Variants in LCLAT1 observed in about 807,000 individuals in gnomAD.
The protein encoded by LCLAT1 is 1-AGP acyltransferase 8.
In LCLAT1, 11 loss-of-function variants were observed where a neutral mutation model predicts 30.7. The ratio of observed to expected loss-of-function variants is 0.36; its 90% CI spans 0.23 to 0.59. The LOEUF (loss-of-function observed/expected upper bound fraction) is 0.59. LCLAT1 is among the 20% of genes least tolerant of loss of function. The pLI is 0.77. For missense variants in LCLAT1, 402 were observed against 458.6 expected (o/e 0.88, Z 1.13); for synonymous variants, 155 against 151.3 (o/e 1.02, Z -0.18).
At chr2:30,459,553 C>A in intron 1 of LCLAT1, 1 of 1,171,444 alleles carries the variant, frequency 8.5e-7, no homozygotes, top group Non-Finnish European at 1.3e-6. Context: ...TGTTCACAGG[C>A]TGAAAAACAG....
At position 30,635,353 on chromosome 2, in the gene LCLAT1, G is replaced by C. The variant is rs144029871; in HGVS notation, c.629-4764G>C. On this transcript the variant is annotated intron_variant, in intron 5 of 5. Transcript: ENST00000379509. The stretch of plus-strand genomic sequence containing the variant: ...TTGCTTTTGGAGTTAACACATTTTC[G>C]AGTCTCTATGATGCTTAAGGAAAGC... Among the ~76,000 whole-genome samples, 575 of 151,690 alleles carry C rather than the reference G, an allele frequency of 3.8e-3. 5 individuals are homozygous for C. Among genetic ancestry groups the C allele is most frequent in the African/African-American group, 0.013 (540 of 41,346 alleles).
intron 5 of LCLAT1, among the ~76,000 whole-genome samples, chr2:30,633,923 G>A (rs1007312234): frequency 8.6e-5 from 13 of 152,028 alleles, no homozygotes; most frequent in East Asian, 1.9e-4. Flanking sequence ...TGTTTTAAAC[G>A]TACAGATGTG....
chr2:30,640,233 C>T lies in LCLAT1; in HGVS notation c.745C>T (p.Arg249Trp), dbSNP rs1430471880. The T allele has an allele frequency of 2.5e-6, 4 of 1,614,016 alleles. No individual in the cohort carries two copies. The highest frequency in any genetic ancestry group is 3.4e-6 in the Non-Finnish European group (4 of 1,179,864). The change falls in exon 6 of 6, where the codon CGG becomes TGG. Residue 249 changes from arginine to tryptophan, a missense_variant. By Grantham distance (101) the Arg-to-Trp change is moderately radical. Transcript: ENST00000379509. ...CAGGGAAATCCACTTTCACGTCCAC[C>T]GGTATCCAATAGACACCCTCCCCAC... ...FPREIHFHVH[R>W]YPIDTLPTSK...
intron 3 of LCLAT1, among the ~76,000 whole-genome samples, chr2:30,553,844 A>G (rs12053230): frequency 0.24 from 37,046 of 152,136 alleles, 5,485 homozygotes; most frequent in East Asian, 0.52. Flanking sequence ...GACAAATTAT[A>G]TATGCTGATT....
intron 3 of LCLAT1, among the ~76,000 whole-genome samples, chr2:30,541,142 A>G (rs1664118108): frequency 6.6e-6 from 1 of 151,922 alleles, no homozygotes; most frequent in East Asian, 1.9e-4. Context: ...TTTCTAGTGG[A>G]ACTACTGTTT....
intron 5 of LCLAT1, among the ~76,000 whole-genome samples, chr2:30,600,301 CAAG>C (rs1468110279): frequency 1.3e-5 from 2 of 152,108 alleles, no homozygotes; most frequent in Non-Finnish European, 2.9e-5. Flanking sequence ...AGGCAGAAAT[CAAG>C]AAGTTCTTTG....
chr2:30,562,993 A>G (rs1383073327), intron 4 of LCLAT1, among the ~76,000 whole-genome samples: 1 of 152,148 alleles, frequency 6.6e-6, no homozygotes, highest in Non-Finnish European at 1.5e-5. Flanking sequence ...GCCATCATTG[A>G]GTTGTAGCAA....
rs6759011 is a variant in LCLAT1, at chr2:30,567,952, G to T, written c.512-108G>T. On this transcript the variant is annotated intron_variant, in intron 4 of 5. Transcript: ENST00000379509. Reference sequence around the variant, plus strand: ...CATTTGACTCAGTATTCAGTAATTAGAGAATAATTAACAGCTATTTTTTAT... The same window carrying T: ...CATTTGACTCAGTATTCAGTAATTATAGAATAATTAACAGCTATTTTTTAT... 0.84 allele frequency: 515,935 copies of T among 614,616 alleles called. 217,314 individuals carry two copies. The highest frequency in any genetic ancestry group is 0.96 in the East Asian group (34,599 of 36,224). The allele number at this position is 614,616 out of a possible 1,614,324, so 38.1% of individuals were successfully genotyped here. A position where few individuals can be genotyped will look rare whatever the true frequency, so the allele number is the denominator to read the frequency against.
chr2:30,450,246 C>G (rs1386047315), intron 1 of LCLAT1, among the ~76,000 whole-genome samples: 1 of 152,184 alleles, frequency 6.6e-6, no homozygotes, highest in Non-Finnish European at 1.5e-5. Context: ...TGGGCCTGGC[C>G]AGAAGAGGAA....
chr2:30,643,848 G>GA lies in LCLAT1; in HGVS notation c.*3232dup. The GA allele has an allele frequency of 6.5e-6, 1 of 152,720 alleles. No individual in the cohort carries two copies. The highest frequency in any genetic ancestry group is 3.4e-3 in the Middle Eastern group (1 of 294). 9.5% of individuals were successfully genotyped at this position (152,720 alleles called of 1,614,324 possible). ...TTAGGTAAAGTCTCTTTTTGCTACT[G>GA]AAAGGGAAATGGTCTCTAAACACTG... On this transcript the variant is annotated 3_prime_UTR_variant, in exon 6 of 6. Transcript: ENST00000379509.
At chr2:30,526,545 A>T (rs993044284) in intron 2 of LCLAT1, among the ~76,000 whole-genome samples, 1 of 152,102 alleles carries the variant, frequency 6.6e-6, no homozygotes, top group Non-Finnish European at 1.5e-5. Flanking sequence ...AGTCAGCTGG[A>T]TGATGTCTAG....
chr2:30,599,475 T>C (rs974183050), intron 5 of LCLAT1, among the ~76,000 whole-genome samples: 9 of 152,228 alleles, frequency 5.9e-5, no homozygotes, highest in Non-Finnish European at 1.2e-4. Context: ...TCTGTAGATA[T>C]CTATCAGATC....
At chr2:30,632,772 G>A (rs1668830499) in intron 5 of LCLAT1, among the ~76,000 whole-genome samples, 1 of 152,196 alleles carries the variant, frequency 6.6e-6, no homozygotes, top group South Asian at 2.1e-4. Context: ...TACAGCCAAG[G>A]CTTATAGTGA....
chr2:30,540,063 A>T (rs1219799663), intron 3 of LCLAT1, among the ~76,000 whole-genome samples: 1 of 152,236 alleles, frequency 6.6e-6, no homozygotes, highest in Non-Finnish European at 1.5e-5. Context: ...CAAAAGCTAC[A>T]AAGAGTTGTA....
chr2:30,542,247 T>C (rs987382248), intron 3 of LCLAT1, among the ~76,000 whole-genome samples: 1 of 152,174 alleles, frequency 6.6e-6, no homozygotes, highest in African/African-American at 2.4e-5. Context: ...TTTCTTCTTA[T>C]TGTTCTTTCT....
At chr2:30,622,654 C>G (rs76987899) in intron 5 of LCLAT1, among the ~76,000 whole-genome samples, 3,402 of 152,250 alleles carry the variant, frequency 0.022, 59 homozygotes, top group Non-Finnish European at 0.034. Context: ...TCCCAGTCAC[C>G]AGCCGGAAGC....
At chr2:30,566,951 T>C (rs1395387979) in intron 4 of LCLAT1, among the ~76,000 whole-genome samples, 2 of 152,204 alleles carry the variant, frequency 1.3e-5, no homozygotes, top group African/African-American at 4.8e-5. Context: ...CATTTTGTTA[T>C]GGAGCGGTTT....
chr2:30,498,493 G>A (rs1684220909), intron 1 of LCLAT1, among the ~76,000 whole-genome samples: 1 of 152,208 alleles, frequency 6.6e-6, no homozygotes, highest in Non-Finnish European at 1.5e-5. Flanking sequence ...GGTTCACAGA[G>A]TAAGCATTTC....
At chr2:30,587,797 A>G in intron 5 of LCLAT1, among the ~76,000 whole-genome samples, 1 of 152,188 alleles carries the variant, frequency 6.6e-6, no homozygotes, top group East Asian at 1.9e-4. Flanking sequence ...CTCTTAGACA[A>G]ATAGTTGAAC....
Sources: allele counts gnomAD v4.1 joint callset (sites outside exome capture counted in the v4.1 genomes callset), GRCh38; gene constraint gnomAD v4.1.1; transcripts MANE v1.5; gene names NCBI Gene and HGNC (gene_info 2026-07-23, HGNC 2026-07-21).